Variants in CAMKMT observed in about 807,000 individuals in gnomAD.
The protein encoded by CAMKMT is CaM KMT.
CAMKMT carries 53 observed loss-of-function variants against 48.0 expected under a neutral mutation model. That is an observed-to-expected ratio of 1.10 (90% CI 0.89 to 1.39). CAMKMT has a LOEUF of 1.39. Among genes scored for constraint, CAMKMT ranks in the 40% most tolerant of loss-of-function variants. CAMKMT has a pLI of 0.00. For missense variants in CAMKMT, 428 were observed against 402.7 expected (o/e 1.06, Z -0.54); for synonymous variants, 165 against 152.3 (o/e 1.08, Z -0.61).
chr2:44,708,818 A>T (rs377054736), intron 6 of CAMKMT, among the ~76,000 whole-genome samples: 129 of 152,108 alleles, frequency 8.5e-4, no homozygotes, highest in African/African-American at 3.1e-3. Context: ...GAATTTTTAG[A>T]GGGTGGGGGG....
chr2:44,409,874 GC>G (rs1472423986), intron 3 of CAMKMT, among the ~76,000 whole-genome samples: 2 of 152,042 alleles, frequency 1.3e-5, no homozygotes, highest in Admixed American at 1.3e-4. Flanking sequence ...TATTTACCAT[GC>G]TAGACAATCT....
At chr2:44,608,027 C>G (rs1671385786) in intron 3 of CAMKMT, among the ~76,000 whole-genome samples, 2 of 150,620 alleles carry the variant, frequency 1.3e-5, no homozygotes, top group Admixed American at 6.6e-5. Context: ...TAAATACTTT[C>G]ATATGTAAAC....
chr2:44,723,745 AGAAAG>A (rs1425601971), intron 7 of CAMKMT: 1 of 152,180 alleles, frequency 6.6e-6, no homozygotes, highest in Non-Finnish European at 1.5e-5. Flanking sequence ...TGCACTTACA[AGAAAG>A]GAAAGGACCT....
rs143636702 is a variant in CAMKMT at position 44,404,575 on chromosome 2, A to G, written c.376+14270A>G. ...CATGCCCTATTCCTCATGAATTGCT[A>G]TTTCTTTGCTTAAATTTCCCACTCA... On this transcript the variant is annotated intron_variant, in intron 3 of 10. Coordinates refer to ENST00000378494, the MANE Select transcript of CAMKMT (RefSeq NM_024766.5). Among the ~76,000 whole-genome samples the G allele has an allele frequency of 8.8e-4, 134 of 152,170 alleles. 2 individuals are homozygous for G. The highest frequency in any genetic ancestry group is 3.2e-3 in the African/African-American group (132 of 41,550).
At chr2:44,433,602 T>A (rs1065783) in intron 3 of CAMKMT, among the ~76,000 whole-genome samples, 113,101 of 151,958 alleles carry the variant, frequency 0.74, 42,205 homozygotes, top group South Asian at 0.87. Flanking sequence ...CTTTGTTTCA[T>A]GCAAAATAAG....
chr2:44,616,536 A>T (rs1285715284), intron 3 of CAMKMT, among the ~76,000 whole-genome samples: 1 of 150,998 alleles, frequency 6.6e-6, no homozygotes, highest in Non-Finnish European at 1.5e-5. Context: ...CTTTAACAAT[A>T]TATTTTTTTG....
chr2:44,722,287 T>G (rs1174290456), intron 7 of CAMKMT, among the ~76,000 whole-genome samples: 1 of 152,000 alleles, frequency 6.6e-6, no homozygotes, highest in Non-Finnish European at 1.5e-5. Context: ...GGTAACTATA[T>G]TTAACCTCTT....
Position 44,455,837 on chromosome 2 carries a change from T to C in CAMKMT, c.376+65532T>C, listed in dbSNP as rs186658370. Among the ~76,000 whole-genome samples the C allele has an allele frequency of 3.9e-5, 6 of 152,324 alleles. No individual in the cohort carries two copies. In the East Asian group the frequency reaches 1.2e-3, roughly 29 times the overall value. On this transcript the variant is annotated intron_variant, in intron 3 of 10. Transcript: ENST00000378494. ...CTATTGTTGTTGTTTTAGAATTCAT[T>C]GTAGTTGGAATGCTGTGTGTCAAAA...
chr2:44,666,791 G>A (rs1675004960), intron 3 of CAMKMT, among the ~76,000 whole-genome samples: 1 of 152,046 alleles, frequency 6.6e-6, no homozygotes, highest in African/African-American at 2.4e-5. Context: ...TGTATTTTTA[G>A]TAAAGATGGG....
chr2:44,768,216 T>A (rs561532192), intron 10 of CAMKMT, among the ~76,000 whole-genome samples: 1 of 152,114 alleles, frequency 6.6e-6, no homozygotes, highest in East Asian at 1.9e-4. Context: ...CACAGTTTGC[T>A]GACATTGGTA....
At chr2:44,679,131 G>C (rs955028130) in intron 3 of CAMKMT, among the ~76,000 whole-genome samples, 28 of 152,138 alleles carry the variant, frequency 1.8e-4, no homozygotes, top group African/African-American at 6.3e-4. Context: ...TGGAGTTCAG[G>C]GTGGAAGTAT....
At chr2:44,760,957 C>G (rs1680592653) in intron 9 of CAMKMT, among the ~76,000 whole-genome samples, 1 of 152,194 alleles carries the variant, frequency 6.6e-6, no homozygotes, top group Admixed American at 6.5e-5. Context: ...AGATGCCAGT[C>G]ACTGTGCCAG....
chr2:44,366,758 A>G (rs940661336), intron 1 of CAMKMT, among the ~76,000 whole-genome samples: 19 of 151,922 alleles, frequency 1.3e-4, no homozygotes, highest in African/African-American at 4.6e-4. Flanking sequence ...GTCTCACTCC[A>G]TCATCCAGGC....
chr2:44,413,667 AAAAG>A (rs1398818339), intron 3 of CAMKMT, among the ~76,000 whole-genome samples: 2 of 151,400 alleles, frequency 1.3e-5, no homozygotes, highest in African/African-American at 2.4e-5. Context: ...AAAAAAAAAG[AAAAG>A]AAAAAGAAAT....
chr2:44,420,732 T>G (rs1013385357), intron 3 of CAMKMT, among the ~76,000 whole-genome samples: 8 of 152,096 alleles, frequency 5.3e-5, no homozygotes, highest in Non-Finnish European at 1.2e-4. Context: ...AATTATATTT[T>G]TTAAAATATT....
intron 3 of CAMKMT, among the ~76,000 whole-genome samples, chr2:44,406,190 T>C (rs774699338): frequency 9.2e-5 from 14 of 152,244 alleles, no homozygotes; most frequent in South Asian, 4.1e-4. Flanking sequence ...TTTTGTGTTT[T>C]AGTATGCCTC....
chr2:44,675,574 A>G (rs1675637755), intron 3 of CAMKMT, among the ~76,000 whole-genome samples: 1 of 152,190 alleles, frequency 6.6e-6, no homozygotes, highest in African/African-American at 2.4e-5. Context: ...TGTTGTGCCA[A>G]GTTTTCAAAC....
chr2:44,384,500 C>CTTTTTTTTTTTTTTTTTTTTT (rs141017634), intron 2 of CAMKMT, among the ~76,000 whole-genome samples: 5 of 95,854 alleles, frequency 5.2e-5, no homozygotes, highest in African/African-American at 1.0e-4. Context: ...AGCTATTTAT[C>CTTTTTTTTTTTTTTTTTTTTT]TTTTTTTTTT....
intron 5 of CAMKMT, 117 bp from the exon 6 acceptor site, chr2:44,707,282 T>C (rs1056568503): frequency 5.1e-6 from 4 of 784,624 alleles, no homozygotes; most frequent in Middle Eastern, 2.3e-4. Flanking sequence ...AGATTGAAGA[T>C]TGTTACAGAG....
Sources: gnomAD v4.1 joint callset for allele counts (sites outside exome capture counted in the v4.1 genomes callset) on GRCh38, gnomAD v4.1.1 for gene constraint, MANE v1.5 for transcripts, NCBI Gene and HGNC (gene_info 2026-07-23, HGNC 2026-07-21) for gene names.